Variants in HCN1 observed in about 807,000 individuals in gnomAD.
HCN1 encodes the protein hyperpolarization activated cyclic nucleotide gated potassium channel 1.
Under a neutral mutation model 78.9 loss-of-function variants are expected in HCN1, and 13 were observed. That is an observed-to-expected ratio of 0.16 (90% CI 0.11 to 0.26). The LOEUF (loss-of-function observed/expected upper bound fraction) is 0.26. Ranked by LOEUF, HCN1 falls within the 10% of genes least tolerant of loss-of-function variation. The pLI, the probability that HCN1 is intolerant of heterozygous loss-of-function variation, is 1.00. For synonymous variants in HCN1, 552 were observed against 455.5 expected, an observed-to-expected ratio of 1.21 and a Z score of -2.70; for missense variants, 810 against 1,154.3, an observed-to-expected ratio of 0.70 and a Z score of 4.32.
intron 4 of HCN1, among the ~76,000 whole-genome samples, chr5:45,353,574 T>C (rs184804891): frequency 6.6e-6 from 1 of 152,044 alleles, no homozygotes; most frequent in African/African-American, 2.4e-5. Context: ...GCTATTTTTT[T>C]AAATTGAGTT....
intron 5 of HCN1, among the ~76,000 whole-genome samples, chr5:45,304,052 T>C (rs1032433990): frequency 1.9e-4 from 29 of 152,180 alleles, no homozygotes; most frequent in Non-Finnish European, 2.1e-4. Context: ...TAGTGTAGTA[T>C]AGGAATGTAT....
intron 6 of HCN1, among the ~76,000 whole-genome samples, chr5:45,274,566 A>G (rs772690531): frequency 3.3e-5 from 5 of 152,108 alleles, no homozygotes; most frequent in Non-Finnish European, 7.4e-5. Context: ...TAAAACATTA[A>G]TTTCCTTCCT....
At chr5:45,467,034 T>C (rs577429960) in intron 2 of HCN1, among the ~76,000 whole-genome samples, 2 of 152,258 alleles carry the variant, frequency 1.3e-5, no homozygotes, top group African/African-American at 4.8e-5. Context: ...CTCCAAGTAT[T>C]GTCCCATACT....
At chr5:45,317,488 C>G (rs1746019456) in intron 5 of HCN1, among the ~76,000 whole-genome samples, 1 of 152,132 alleles carries the variant, frequency 6.6e-6, no homozygotes, top group African/African-American at 2.4e-5. Flanking sequence ...CAATACCATT[C>G]AGGATATAGG....
At chr5:45,296,622 T>A (rs1437060104) in intron 6 of HCN1, among the ~76,000 whole-genome samples, 2 of 151,852 alleles carry the variant, frequency 1.3e-5, no homozygotes. Context: ...ATAAAAATTA[T>A]GATAGAAATC....
At chr5:45,679,761 G>T (rs1225524656) in intron 1 of HCN1, among the ~76,000 whole-genome samples, 1 of 152,090 alleles carries the variant, frequency 6.6e-6, no homozygotes, top group Non-Finnish European at 1.5e-5. Flanking sequence ...TGGGAGAAAT[G>T]CTATTTTCAA....
intron 6 of HCN1, among the ~76,000 whole-genome samples, chr5:45,288,534 G>A (rs535793632): frequency 6.6e-6 from 1 of 151,986 alleles, no homozygotes; most frequent in African/African-American, 2.4e-5. Flanking sequence ...TGTTACACAT[G>A]TTAGGTCCTA....
rs1242068538 is a variant in HCN1, at chr5:45,262,450, C to G, written c.2144G>C (p.Arg715Pro). 2 of 1,611,810 alleles carry G rather than the reference C, an allele frequency of 1.2e-6. No individual in the cohort carries two copies. Among genetic ancestry groups the G allele is most frequent in the South Asian group, 2.2e-5 (2 of 91,034 alleles). The part of the protein sequence containing the change: ...SPPVQSPLAA[R>P]TFHYASPTAS... ...GGTGGGGGAGGCATAGTGGAAAGTTCGAGCGGCCAGAGGGCTCTGTACAGG... is the reference window on the plus strand; with the variant it reads ...GGTGGGGGAGGCATAGTGGAAAGTTGGAGCGGCCAGAGGGCTCTGTACAGG... The change falls in exon 8 of 8, where the codon CGA becomes CCA. Residue 715 changes from arginine to proline, a missense_variant. Physicochemically the swap from Arg to Pro is moderately radical, Grantham distance 103. Transcript: ENST00000303230.
chr5:45,434,642 G>T (rs1399253884), intron 3 of HCN1, among the ~76,000 whole-genome samples: 1 of 152,154 alleles, frequency 6.6e-6, no homozygotes, highest in African/African-American at 2.4e-5. Context: ...CAAAGAGTAT[G>T]GGTGATTTGA....
chr5:45,324,737 G>C (rs1007811422), intron 5 of HCN1, among the ~76,000 whole-genome samples: 2 of 151,742 alleles, frequency 1.3e-5, no homozygotes, highest in African/African-American at 2.4e-5. Context: ...GAAATGGCTA[G>C]CTAGCCAAAG....
intron 2 of HCN1, among the ~76,000 whole-genome samples, chr5:45,514,980 T>C (rs1742489562): frequency 1.3e-5 from 2 of 152,040 alleles, no homozygotes; most frequent in African/African-American, 2.4e-5. Flanking sequence ...TAGATGTTTT[T>C]ATTAATTTTT....
intron 3 of HCN1, among the ~76,000 whole-genome samples, chr5:45,427,285 G>GA (rs1196911314): frequency 6.4e-4 from 94 of 147,670 alleles, no homozygotes; most frequent in African/African-American, 9.2e-4. Context: ...AAGCAAAACA[G>GA]AAAAAAAAAA....
chr5:45,395,078 G>T (rs1176828611), intron 4 of HCN1, among the ~76,000 whole-genome samples: 1 of 151,908 alleles, frequency 6.6e-6, no homozygotes, highest in Non-Finnish European at 1.5e-5. Flanking sequence ...TATTTAATAT[G>T]CAATAAAATG....
chr5:45,568,843 T>G (rs1285917576), intron 2 of HCN1, among the ~76,000 whole-genome samples: 1 of 152,074 alleles, frequency 6.6e-6, no homozygotes, highest in Non-Finnish European at 1.5e-5. Context: ...CTTGGCAAAC[T>G]AAGTATTTTA....
chr5:45,469,266 A>G (rs1391658509), intron 2 of HCN1, among the ~76,000 whole-genome samples: 1 of 152,010 alleles, frequency 6.6e-6, no homozygotes, highest in Non-Finnish European at 1.5e-5. Flanking sequence ...AAGAGCAAGC[A>G]TAACCTCATA....
At chr5:45,295,074 C>T (rs1478391001) in intron 6 of HCN1, among the ~76,000 whole-genome samples, 1 of 151,844 alleles carries the variant, frequency 6.6e-6, no homozygotes, top group Non-Finnish European at 1.5e-5. Flanking sequence ...AACCATCACT[C>T]CTTGAGCACC....
At chr5:45,442,612 A>AT (rs973720447) in intron 3 of HCN1, among the ~76,000 whole-genome samples, 2 of 150,292 alleles carry the variant, frequency 1.3e-5, no homozygotes, top group African/African-American at 4.8e-5. Context: ...CATATATAAA[A>AT]TATAATGGCA....
At chr5:45,340,602 T>A (rs1319812087) in intron 5 of HCN1, among the ~76,000 whole-genome samples, 1 of 152,234 alleles carries the variant, frequency 6.6e-6, no homozygotes, top group African/African-American at 2.4e-5. Flanking sequence ...ATTCTGCTTT[T>A]CTTGTGAAGA....
At chr5:45,496,342 G>C (rs558782148) in intron 2 of HCN1, among the ~76,000 whole-genome samples, 15 of 151,838 alleles carry the variant, frequency 9.9e-5, no homozygotes, top group African/African-American at 3.6e-4. Context: ...GAGTGTATGT[G>C]TCGAGGAATG....
Sources: gnomAD v4.1 joint callset for allele counts (sites outside exome capture counted in the v4.1 genomes callset) on GRCh38, gnomAD v4.1.1 for gene constraint, MANE v1.5 for transcripts, NCBI Gene and HGNC (gene_info 2026-07-23, HGNC 2026-07-21) for gene names.